The following NRXN1 variants were observed in gnomAD, a reference collection of about 807,000 sequenced individuals.
NRXN1 encodes neurexin-1.
NRXN1 carries 39 observed loss-of-function variants against 150.9 expected under a neutral mutation model. The observed-to-expected ratio is 0.26, with a 90% CI of 0.20 to 0.34. NRXN1 has a LOEUF of 0.34. Ranked by LOEUF, NRXN1 falls within the 10% of genes least tolerant of loss-of-function variation. NRXN1 has a pLI of 1.00. For missense variants in NRXN1, 1,815 were observed against 1,949.9 expected (o/e 0.93, Z 1.30); for synonymous variants, 924 against 757.0 (o/e 1.22, Z -3.62).
chr2:49,976,777 T>C (rs949390480), intron 21 of NRXN1, among the ~76,000 whole-genome samples: 1 of 152,198 alleles, frequency 6.6e-6, no homozygotes, highest in Non-Finnish European at 1.5e-5. Flanking sequence ...CTTTACAATT[T>C]AGAGTGACGA....
intron 9 of NRXN1, among the ~76,000 whole-genome samples, chr2:50,551,045 G>A (rs898902839): frequency 1.8e-4 from 14 of 76,458 alleles, no homozygotes; most frequent in Non-Finnish European, 2.4e-4. Context: ...AGAGGAAGAG[G>A]AAGAGGAAGA....
At chr2:50,495,071 A>G (rs1204704690) in intron 15 of NRXN1, among the ~76,000 whole-genome samples, 4 of 151,072 alleles carry the variant, frequency 2.6e-5, no homozygotes, top group Non-Finnish European at 5.9e-5. Flanking sequence ...TTCTCTTTCC[A>G]GTTTCCTAAC....
At chr2:50,470,132 C>T (rs1402025660) in intron 16 of NRXN1, among the ~76,000 whole-genome samples, 1 of 151,474 alleles carries the variant, frequency 6.6e-6, no homozygotes, top group East Asian at 1.9e-4. Context: ...TGTAGAAAGG[C>T]CTATTTTTAA....
chr2:49,939,515 G>T, intron 22 of NRXN1, among the ~76,000 whole-genome samples: 1 of 152,136 alleles, frequency 6.6e-6, no homozygotes, highest in East Asian at 1.9e-4. Flanking sequence ...AATGCTAACT[G>T]TGCAGGACAG....
intron 22 of NRXN1, among the ~76,000 whole-genome samples, chr2:49,940,817 T>G (rs892031561): frequency 4.6e-5 from 7 of 152,186 alleles, no homozygotes; most frequent in Non-Finnish European, 7.4e-5. Context: ...ATTTATGGCA[T>G]ATATTATCAA....
At chr2:50,472,961 T>C (rs1026702814) in intron 15 of NRXN1, among the ~76,000 whole-genome samples, 1 of 151,856 alleles carries the variant, frequency 6.6e-6, no homozygotes, top group South Asian at 2.1e-4. Context: ...AGAGCAAAAG[T>C]ATAAAGTGGA....
At chr2:49,954,393 T>C (rs1674557052) in intron 21 of NRXN1, among the ~76,000 whole-genome samples, 1 of 152,160 alleles carries the variant, frequency 6.6e-6, no homozygotes, top group Admixed American at 6.6e-5. Flanking sequence ...GTGCACAGAC[T>C]CAGGGATACT....
At chr2:49,947,091 A>T (rs950109417) in intron 21 of NRXN1, among the ~76,000 whole-genome samples, 1 of 152,128 alleles carries the variant, frequency 6.6e-6, no homozygotes, top group African/African-American at 2.4e-5. Context: ...AGTTGCTCCA[A>T]TTCCCTCCAG....
intron 5 of NRXN1, among the ~76,000 whole-genome samples, chr2:50,833,583 T>C (rs532665642): frequency 1.2e-3 from 188 of 152,270 alleles, no homozygotes; most frequent in African/African-American, 4.3e-3. Flanking sequence ...TTATACGACA[T>C]TCTCAAAGAG....
intron 5 of NRXN1, among the ~76,000 whole-genome samples, chr2:50,751,728 A>T (rs750000212): frequency 1.3e-5 from 2 of 151,938 alleles, no homozygotes; most frequent in Non-Finnish European, 2.9e-5. Flanking sequence ...CAGCCTACTT[A>T]CCCATGGCCA....
chr2:50,059,820 C>T (rs180789216), intron 19 of NRXN1, among the ~76,000 whole-genome samples: 3 of 152,224 alleles, frequency 2.0e-5, no homozygotes, highest in Admixed American at 1.3e-4. Context: ...GTGTTGAGCC[C>T]GTGGGTGCAA....
chr2:50,458,013 T>C (rs151087030), intron 17 of NRXN1, among the ~76,000 whole-genome samples: 1 of 152,200 alleles, frequency 6.6e-6, no homozygotes, highest in East Asian at 1.9e-4. Context: ...AATCAGTATA[T>C]CGAAGAGATA....
At chr2:50,008,699 A>G (rs1180708075) in intron 21 of NRXN1, among the ~76,000 whole-genome samples, 3 of 152,166 alleles carry the variant, frequency 2.0e-5, no homozygotes, top group Non-Finnish European at 4.4e-5. Flanking sequence ...AAGAAATAAT[A>G]CAAGTGCAGA....
chr2:49,940,330 G>A (rs928428503), intron 22 of NRXN1, among the ~76,000 whole-genome samples: 39 of 152,134 alleles, frequency 2.6e-4, no homozygotes, highest in Admixed American at 1.4e-3. Context: ...CCAAAATATA[G>A]CCTAATATGT....
chr2:50,678,438 C>T (rs1427781085), intron 5 of NRXN1, among the ~76,000 whole-genome samples: 1 of 152,118 alleles, frequency 6.6e-6, no homozygotes, highest in African/African-American at 2.4e-5. Context: ...ATGGAAAGTA[C>T]AAAAGTTATA....
chr2:50,430,627 G>A (rs142121514), intron 17 of NRXN1, among the ~76,000 whole-genome samples: 2 of 152,300 alleles, frequency 1.3e-5, no homozygotes, highest in East Asian at 3.9e-4. Flanking sequence ...CTAGGTGACT[G>A]TGAAAGACAA....
chr2:50,238,455 T>C (rs1559148976), intron 17 of NRXN1, among the ~76,000 whole-genome samples: 1 of 152,154 alleles, frequency 6.6e-6, no homozygotes, highest in East Asian at 1.9e-4. Context: ...TTTGATCATA[T>C]ATACATGATT....
chr2:50,547,736 C>A (rs6707344), intron 9 of NRXN1, among the ~76,000 whole-genome samples: 5,733 of 152,200 alleles, frequency 0.038, 337 homozygotes, highest in African/African-American at 0.13. Context: ...TAAATCATGC[C>A]TGCACTTGGT....
chr2:50,530,416 T>C (rs1229872731), intron 11 of NRXN1, among the ~76,000 whole-genome samples: 1 of 152,158 alleles, frequency 6.6e-6, no homozygotes, highest in African/African-American at 2.4e-5. Flanking sequence ...GATAAGACTT[T>C]CCAAACTATT....
Sources: allele counts gnomAD v4.1 joint callset (sites outside exome capture counted in the v4.1 genomes callset), GRCh38; gene constraint gnomAD v4.1.1; transcripts MANE v1.5; gene names NCBI Gene and HGNC (gene_info 2026-07-23, HGNC 2026-07-21).